Variants in OR1J2 observed in about 807,000 individuals in gnomAD.
OR1J2 encodes the protein olfactory receptor 1J2.
For synonymous variants in OR1J2, 142 were observed against 99.7 expected (o/e 1.42, Z -2.52); for missense variants, 304 against 246.1 (o/e 1.24, Z -1.57).
chr9:122,568,013 G>A, the OR1J2 span: 14 of 1,613,940 alleles, frequency 8.7e-6, no homozygotes, highest in Admixed American at 2.2e-4. Context: ...GGAGTGAGTG[G>A]AGGTGAGGAA....
chr9:122,461,825 T>A, the OR1J2 span, among the ~76,000 whole-genome samples: 1 of 152,186 alleles, frequency 6.6e-6, no homozygotes, highest in South Asian at 2.1e-4. Flanking sequence ...GAGACTTGTT[T>A]TGTGGTCTAT....
At chr9:122,505,607 T>G in the OR1J2 span, among the ~76,000 whole-genome samples, 1 of 152,182 alleles carries the variant, frequency 6.6e-6, no homozygotes, top group Non-Finnish European at 1.5e-5. Context: ...GACCTAGATA[T>G]GAAAAAGGCC....
the OR1J2 span, among the ~76,000 whole-genome samples, chr9:122,481,303 TAATC>T: frequency 6.6e-6 from 1 of 152,200 alleles, no homozygotes; most frequent in Non-Finnish European, 1.5e-5. Flanking sequence ...GCGCATTTCT[TAATC>T]AAGATCCCCA....
the OR1J2 span, among the ~76,000 whole-genome samples, chr9:122,463,403 A>T: frequency 3.2e-4 from 48 of 152,094 alleles, no homozygotes; most frequent in Admixed American, 9.2e-4. Flanking sequence ...TTAATAGCTG[A>T]TCTTCTGAAT....
chr9:122,554,299 A>AG, the OR1J2 span: 5 of 673,332 alleles, frequency 7.4e-6, no homozygotes, highest in Non-Finnish European at 1.2e-5. Context: ...AAAAAAAAAA[A>AG]AAAGAGTGTT....
At chr9:122,455,035 G>T in the OR1J2 span, among the ~76,000 whole-genome samples, 1 of 152,100 alleles carries the variant, frequency 6.6e-6, no homozygotes, top group African/African-American at 2.4e-5. Flanking sequence ...TTCATGTTTA[G>T]CCTGTACTAG....
chr9:122,475,414 A>T, the OR1J2 span, among the ~76,000 whole-genome samples: 1 of 152,190 alleles, frequency 6.6e-6, no homozygotes, highest in Non-Finnish European at 1.5e-5. Context: ...GGGGATATAT[A>T]TGAAACTTGC....
chr9:122,539,873 G>A, the OR1J2 span, among the ~76,000 whole-genome samples: 1 of 152,142 alleles, frequency 6.6e-6, no homozygotes, highest in South Asian at 2.1e-4. Flanking sequence ...CAGTGATGAT[G>A]AGCATTTTTT....
At chr9:122,460,493 A>T in the OR1J2 span, among the ~76,000 whole-genome samples, 1 of 152,104 alleles carries the variant, frequency 6.6e-6, no homozygotes, top group Non-Finnish European at 1.5e-5. Flanking sequence ...TACCAGTACC[A>T]TACTGTTTTG....
the OR1J2 span, among the ~76,000 whole-genome samples, chr9:122,449,206 A>G: frequency 6.6e-6 from 1 of 152,054 alleles, no homozygotes; most frequent in African/African-American, 2.4e-5. Flanking sequence ...GGCCTTGCTT[A>G]TCCTCTGCTC....
chr9:122,538,197 G>A, the OR1J2 span, among the ~76,000 whole-genome samples: 1 of 144,306 alleles, frequency 6.9e-6, no homozygotes, highest in East Asian at 2.0e-4. Context: ...ATCTGTGCCT[G>A]CAGGCTGTTC....
At chr9:122,467,967 T>TG in the OR1J2 span, among the ~76,000 whole-genome samples, 1 of 152,238 alleles carries the variant, frequency 6.6e-6, no homozygotes, top group Non-Finnish European at 1.5e-5. Flanking sequence ...TGCCTTCACC[T>TG]GGGAAGGCCA....
the OR1J2 span, among the ~76,000 whole-genome samples, chr9:122,529,802 C>T: frequency 6.6e-6 from 1 of 152,176 alleles, no homozygotes; most frequent in South Asian, 2.1e-4. Context: ...TGTCAGCCAA[C>T]AGGTAAGAGC....
At chr9:122,523,385 C>T in the OR1J2 span, among the ~76,000 whole-genome samples, 1 of 152,030 alleles carries the variant, frequency 6.6e-6, no homozygotes, top group African/African-American at 2.4e-5. Flanking sequence ...AAGTGATGGG[C>T]ACCATTGGCT....
chr9:122,483,609 A>T, the OR1J2 span, among the ~76,000 whole-genome samples: 1 of 152,232 alleles, frequency 6.6e-6, no homozygotes, highest in Non-Finnish European at 1.5e-5. Context: ...GGTATTAAAA[A>T]TTTCTTTGTA....
At chr9:122,459,844 C>T in the OR1J2 span, among the ~76,000 whole-genome samples, 1 of 151,990 alleles carries the variant, frequency 6.6e-6, no homozygotes, top group South Asian at 2.1e-4. Flanking sequence ...TCCCTTCCAC[C>T]CCTCCCACCC....
At chr9:122,579,189 T>C in the OR1J2 span, among the ~76,000 whole-genome samples, 2 of 152,046 alleles carry the variant, frequency 1.3e-5, no homozygotes, top group African/African-American at 4.8e-5. Flanking sequence ...TAATTGACTA[T>C]TGTGTGGACT....
chr9:122,452,803 C>T, the OR1J2 span, among the ~76,000 whole-genome samples: 18 of 151,478 alleles, frequency 1.2e-4, no homozygotes, highest in African/African-American at 3.4e-4. Flanking sequence ...CCGAAGCTGG[C>T]GGATCACCTG....
the OR1J2 span, chr9:122,576,647 TAA>T: frequency 6.6e-6 from 1 of 152,116 alleles, no homozygotes; most frequent in Non-Finnish European, 1.5e-5. Context: ...CTCTGGGAGG[TAA>T]AACTCACAAC....
Sources: allele counts gnomAD v4.1 joint callset (sites outside exome capture counted in the v4.1 genomes callset), GRCh38; gene constraint gnomAD v4.1.1; transcripts MANE v1.5; gene names NCBI Gene and HGNC (gene_info 2026-07-23, HGNC 2026-07-21).